Variants in FMNL2 observed in about 807,000 individuals in gnomAD.
The protein encoded by FMNL2 is formin like 2.
A neutral mutation model predicts 130.2 loss-of-function variants in FMNL2; 51 were observed. The ratio of observed to expected loss-of-function variants is 0.39; its 90% CI spans 0.31 to 0.49. FMNL2 has a LOEUF of 0.49. Among genes scored for constraint, FMNL2 ranks in the 20% least tolerant of loss-of-function variants. The probability of loss-of-function intolerance (pLI) is 0.85; values close to 1 mark genes in which losing one functional copy is unlikely to be tolerated. For missense variants in FMNL2, 977 were observed against 1,316.2 expected (o/e 0.74, Z 3.99); for synonymous variants, 465 against 467.1 (o/e 1.00, Z 0.06).
chr2:152,572,431 A>G (rs572539401), intron 6 of FMNL2, among the ~76,000 whole-genome samples: 51 of 152,160 alleles, frequency 3.4e-4, no homozygotes, highest in Non-Finnish European at 6.3e-4. Context: ...TTGTTGTGGT[A>G]AAGTGGCTAA....
chr2:152,404,287 A>C (rs1685866307), intron 1 of FMNL2, among the ~76,000 whole-genome samples: 1 of 152,212 alleles, frequency 6.6e-6, no homozygotes, highest in African/African-American at 2.4e-5. Context: ...ATCAATGGAC[A>C]AGCTTTTCCT....
chr2:152,449,309 CT>C (rs1420015503), intron 1 of FMNL2, among the ~76,000 whole-genome samples: 3 of 152,142 alleles, frequency 2.0e-5, no homozygotes, highest in Non-Finnish European at 4.4e-5. Flanking sequence ...GATTCTGGGA[CT>C]ACTTTTTTCC....
chr2:152,377,075 G>A (rs1464697336), intron 1 of FMNL2, among the ~76,000 whole-genome samples: 9 of 152,234 alleles, frequency 5.9e-5, no homozygotes, highest in South Asian at 4.1e-4. Flanking sequence ...TTACTGAATA[G>A]GAATAGTGAT....
At chr2:152,385,541 G>C (rs1684732243) in intron 1 of FMNL2, among the ~76,000 whole-genome samples, 1 of 152,176 alleles carries the variant, frequency 6.6e-6, no homozygotes, top group Non-Finnish European at 1.5e-5. Flanking sequence ...ATATGTTGTC[G>C]ACCAGATGGT....
intron 1 of FMNL2, among the ~76,000 whole-genome samples, chr2:152,369,489 T>C (rs1579499019): frequency 1.3e-5 from 2 of 152,238 alleles, no homozygotes; most frequent in African/African-American, 4.8e-5. Context: ...CTGCCTTTGG[T>C]ATTTCATTTT....
chr2:152,354,747 G>A (rs990891264), intron 1 of FMNL2, among the ~76,000 whole-genome samples: 1 of 152,100 alleles, frequency 6.6e-6, no homozygotes, highest in African/African-American at 2.4e-5. Flanking sequence ...AATTTTTGTA[G>A]TGGCAATCTA....
intron 9 of FMNL2, among the ~76,000 whole-genome samples, chr2:152,583,725 C>T (rs1277177470): frequency 6.6e-6 from 1 of 152,228 alleles, no homozygotes; most frequent in African/African-American, 2.4e-5. Context: ...CCCAGTTTGT[C>T]TTTGCCAGCT....
At chr2:152,399,711 C>T (rs1307567921) in intron 1 of FMNL2, among the ~76,000 whole-genome samples, 2 of 152,154 alleles carry the variant, frequency 1.3e-5, no homozygotes, top group Non-Finnish European at 2.9e-5. Flanking sequence ...GGTGCCTTTA[C>T]ACCTTGGGGC....
At chr2:152,545,882 C>T (rs929486474) in intron 3 of FMNL2, among the ~76,000 whole-genome samples, 3 of 152,172 alleles carry the variant, frequency 2.0e-5, no homozygotes, top group Non-Finnish European at 4.4e-5. Context: ...AAAATTGAGC[C>T]GTTCCTTAGA....
intron 1 of FMNL2, among the ~76,000 whole-genome samples, chr2:152,418,984 T>C (rs1246884982): frequency 1.3e-5 from 2 of 151,924 alleles, no homozygotes; most frequent in African/African-American, 4.8e-5. Context: ...TCCTTTTTTT[T>C]TTTTTTTAAT....
intron 9 of FMNL2, among the ~76,000 whole-genome samples, chr2:152,605,307 CGTGTGTGTGTGCGT>C (rs1472377606): frequency 1.3e-5 from 2 of 148,160 alleles, no homozygotes; most frequent in African/African-American, 5.2e-5. Flanking sequence ...TGTGCGTGTG[CGTGTGTGTGTGCGT>C]GTGTGTGTGT....
At chr2:152,363,588 G>C (rs1683316494) in intron 1 of FMNL2, among the ~76,000 whole-genome samples, 1 of 151,724 alleles carries the variant, frequency 6.6e-6, no homozygotes, top group Non-Finnish European at 1.5e-5. Flanking sequence ...CCAAGACAGA[G>C]TCTCGCTCTG....
intron 1 of FMNL2, among the ~76,000 whole-genome samples, chr2:152,465,792 C>T (rs1285324919): frequency 6.6e-6 from 1 of 152,214 alleles, no homozygotes; most frequent in Non-Finnish European, 1.5e-5. Context: ...GCCTCGAGGG[C>T]ACCTGTGGGC....
chr2:152,476,510 A>T (rs1187312121), intron 1 of FMNL2, among the ~76,000 whole-genome samples: 1 of 152,060 alleles, frequency 6.6e-6, no homozygotes, highest in African/African-American at 2.4e-5. Flanking sequence ...GTCTCTATTT[A>T]AAAAATGAAA....
At chr2:152,473,027 C>T (rs1689944066) in intron 1 of FMNL2, among the ~76,000 whole-genome samples, 1 of 152,146 alleles carries the variant, frequency 6.6e-6, no homozygotes, top group South Asian at 2.1e-4. Flanking sequence ...TACAGTGATA[C>T]ACAGTAAAGT....
chr2:152,560,926 G>GTCGCCGTATCATTAAAAAAAAA lies in FMNL2; in HGVS notation c.487_488insTCGCCGTATCATTAAAAAAAAA (p.Asp163ValfsTer15). The GTCGCCGTATCATTAAAAAAAAA allele has an allele frequency of 6.2e-7, 1 of 1,600,594 alleles. No individual in the cohort carries two copies. The highest frequency in any genetic ancestry group is 1.4e-5 in the African/African-American group (1 of 71,960). On this transcript the variant is annotated frameshift_variant, in exon 6 of 26. Coordinates refer to ENST00000288670, the MANE Select transcript of FMNL2 (RefSeq NM_052905.4). LOFTEE classifies it high-confidence loss of function. Reference sequence around the variant, plus strand: ...GGAGAGTACTGTGGAGAGCTCGGTGGACAAATCAAAGCCCTGGAGTAGGTC... The same window carrying GTCGCCGTATCATTAAAAAAAAA: ...GGAGAGTACTGTGGAGAGCTCGGTGGTCGCCGTATCATTAAAAAAAAAACAAATCAAAGCCCTGGAGTAGGTC...
chr2:152,538,994 T>C (rs1694157662), intron 2 of FMNL2, among the ~76,000 whole-genome samples: 1 of 152,196 alleles, frequency 6.6e-6, no homozygotes, highest in South Asian at 2.1e-4. Context: ...TTTTAGATAT[T>C]GTATTAAAAG....
At chr2:152,579,821 G>A (rs956257560) in intron 8 of FMNL2, among the ~76,000 whole-genome samples, 7 of 152,258 alleles carry the variant, frequency 4.6e-5, no homozygotes, top group Non-Finnish European at 7.3e-5. Flanking sequence ...GTAAAAGCCA[G>A]TCTTCATCAA....
rs528318342 is a variant in FMNL2 at position 152,350,129 on chromosome 2, C to T, written c.117+14409C>T. 6.4e-4 allele frequency among the ~76,000 whole-genome samples: 97 copies of T among 152,178 alleles called. 1 individual carries two copies. The South Asian group carries it at 7.7e-3, about 12-fold the overall frequency. On this transcript the variant is annotated intron_variant, in intron 1 of 25. Coordinates refer to ENST00000288670, the MANE Select transcript of FMNL2 (RefSeq NM_052905.4). ...TGGGATATGTGAAGTGGTGTCATCC[C>T]GATAAGGTCTGAGTGAGGAGGAGCA...
Sources: allele counts gnomAD v4.1 joint callset (sites outside exome capture counted in the v4.1 genomes callset), GRCh38; gene constraint gnomAD v4.1.1; transcripts MANE v1.5; gene names NCBI Gene and HGNC (gene_info 2026-07-23, HGNC 2026-07-21).